The following ZNF398 variants were observed in gnomAD, a reference collection of about 807,000 sequenced individuals.
ZNF398 encodes the protein zinc finger DNA binding protein ZER6.
A neutral mutation model predicts 41.9 loss-of-function variants in ZNF398; 18 were observed. The observed-to-expected ratio is 0.43, with a 90% CI of 0.30 to 0.64. ZNF398 has a LOEUF of 0.64. Among genes scored for constraint, ZNF398 ranks in the 30% least tolerant of loss-of-function variants. The pLI is 0.14. For missense variants in ZNF398, 669 were observed against 822.8 expected (o/e 0.81, Z 2.29); for synonymous variants, 260 against 308.8 (o/e 0.84, Z 1.66).
chr7:149,173,111 T>A (rs1795385172), intron 4 of ZNF398, among the ~76,000 whole-genome samples: 1 of 139,058 alleles, frequency 7.2e-6, no homozygotes, highest in Non-Finnish European at 1.6e-5. Context: ...TTTTTTTTTT[T>A]TTTTTTTTTT....
upstream of ZNF398, among the ~76,000 whole-genome samples, chr7:149,144,825 G>A (rs1259939609): frequency 6.7e-6 from 1 of 149,654 alleles, no homozygotes; most frequent in Non-Finnish European, 1.5e-5. Context: ...CTGACCTTAG[G>A]CGATCCACCC....
chr7:149,130,621 C>T (rs971557419), intron 2 of ZNF398, among the ~76,000 whole-genome samples: 16 of 152,030 alleles, frequency 1.1e-4, no homozygotes, highest in African/African-American at 3.4e-4. Flanking sequence ...AGTTGGCCCA[C>T]GTTCTTTATT....
chr7:149,126,457 C>A (rs956785983), exon 1 of ZNF398: 1 of 619,586 alleles, frequency 1.6e-6, no homozygotes, highest in Non-Finnish European at 2.6e-6. Context: ...CCGTGCGGGC[C>A]GCAGCACGCC....
chr7:149,134,523 C>G (rs1563153090), intron 2 of ZNF398, among the ~76,000 whole-genome samples: 2 of 152,014 alleles, frequency 1.3e-5, no homozygotes, highest in Non-Finnish European at 2.9e-5. Context: ...AGTTTGGGGA[C>G]TACAGATGTG....
chr7:149,165,645 C>A (rs1445154459), intron 2 of ZNF398, among the ~76,000 whole-genome samples: 1 of 152,182 alleles, frequency 6.6e-6, no homozygotes, highest in Non-Finnish European at 1.5e-5. Flanking sequence ...CAAAATCAAT[C>A]CTGTTTGCTC....
At chr7:149,139,058 A>C (rs892362809) in intron 2 of ZNF398, among the ~76,000 whole-genome samples, 10 of 152,006 alleles carry the variant, frequency 6.6e-5, no homozygotes, top group Non-Finnish European at 1.5e-4. Flanking sequence ...CTACAGGAGC[A>C]CGCCACCACG....
intron 2 of ZNF398, among the ~76,000 whole-genome samples, chr7:149,137,041 A>G (rs1826729023): frequency 6.6e-6 from 1 of 151,690 alleles, no homozygotes; most frequent in Non-Finnish European, 1.5e-5. Flanking sequence ...TAATTTTTGT[A>G]TTTTTAGCAG....
At position 149,179,061 on chromosome 7, in the gene ZNF398, C is replaced by A; in HGVS notation, c.1189C>A (p.Pro397Thr). 1 of 1,613,994 alleles carries A rather than the reference C, an allele frequency of 6.2e-7. No individual in the cohort carries two copies. The highest frequency in any genetic ancestry group is 1.6e-4 in the Middle Eastern group (1 of 6,062). The change falls in exon 6 of 6, where the codon CCC becomes ACC. Residue 397 changes from proline to threonine, a missense_variant. Pro to Thr is a conservative substitution (Grantham distance 38, BLOSUM62 -1). Coordinates refer to ENST00000475153, the MANE Select transcript of ZNF398 (RefSeq NM_170686.3). The surrounding 1 kb of genome is among the most constrained non-coding windows in gnomAD (Gnocchi z 6.1). ...CTCCCAGGACCATGCCAGCGAGACA[C>A]CCCCCACCTGCCCACACTGTGCCAG... The part of the protein sequence containing the change: ...STSQDHASET[P>T]PTCPHCARTF...
At chr7:149,156,766 C>G (rs1240436051) in intron 2 of ZNF398, among the ~76,000 whole-genome samples, 1 of 150,220 alleles carries the variant, frequency 6.7e-6, no homozygotes, top group East Asian at 2.0e-4. Flanking sequence ...GAGGCTGAGG[C>G]AGGAGAATCG....
At chr7:149,151,586 T>A (rs944400504) in intron 1 of ZNF398, among the ~76,000 whole-genome samples, 2 of 152,122 alleles carry the variant, frequency 1.3e-5, no homozygotes, top group African/African-American at 4.8e-5. Context: ...AGCCTTTTAT[T>A]TTCTTGGAAA....
intron 4 of ZNF398, among the ~76,000 whole-genome samples, chr7:149,172,313 C>G (rs1795361623): frequency 6.6e-6 from 1 of 152,138 alleles, no homozygotes; most frequent in African/African-American, 2.4e-5. Flanking sequence ...TTGCACTATC[C>G]TGCCCTGTCT....
intron 2 of ZNF398, 113 bp from the exon 3 acceptor site, chr7:149,166,045 T>C (rs889755605): frequency 5.8e-6 from 7 of 1,201,746 alleles, no homozygotes; most frequent in Non-Finnish European, 8.2e-6. Context: ...TTTAGAATAT[T>C]TATTGACCAC....
At chr7:149,138,217 A>C (rs1826753730) in intron 2 of ZNF398, among the ~76,000 whole-genome samples, 1 of 151,794 alleles carries the variant, frequency 6.6e-6, no homozygotes, top group Non-Finnish European at 1.5e-5. Context: ...AAAAAAGAAA[A>C]AAAAAAAGAA....
chr7:149,133,876 C>T (rs1269741646), intron 2 of ZNF398, among the ~76,000 whole-genome samples: 3 of 150,114 alleles, frequency 2.0e-5, no homozygotes, highest in South Asian at 2.1e-4. Flanking sequence ...CTCAGCCTCC[C>T]GAGTAGCTGG....
chr7:149,163,119 G>A (rs1369310437), intron 2 of ZNF398, among the ~76,000 whole-genome samples: 1 of 152,180 alleles, frequency 6.6e-6, no homozygotes, highest in African/African-American at 2.4e-5. Flanking sequence ...GTCCCAGTAG[G>A]CCAAAAATGT....
intron 2 of ZNF398, among the ~76,000 whole-genome samples, chr7:149,160,303 G>T (rs1202442): frequency 0.21 from 32,332 of 152,048 alleles, 4,757 homozygotes; most frequent in African/African-American, 0.42. Context: ...TGGTGGTGGG[G>T]GCCTGTAGTC....
At position 149,147,669 on chromosome 7, in the gene ZNF398, G is replaced by T; in HGVS notation, c.-74G>T. The T allele has an allele frequency of 2.4e-6, 3 of 1,263,360 alleles. No individual in the cohort carries two copies. Among genetic ancestry groups the T allele is most frequent in the Non-Finnish European group, 3.0e-6 (3 of 1,006,580 alleles). 78.3% of individuals were successfully genotyped at this position (1,263,360 alleles called of 1,614,324 possible). A position where few individuals can be genotyped will look rare whatever the true frequency, so the allele number is the denominator to read the frequency against. Reference sequence around the variant, plus strand: ...TGGAGAGGACCCGGCGGCCGGGCCTGCTTGGAGCCGGGCGCGGTGGCAGCG... The same window carrying T: ...TGGAGAGGACCCGGCGGCCGGGCCTTCTTGGAGCCGGGCGCGGTGGCAGCG... On this transcript the variant is annotated 5_prime_UTR_variant, in exon 1 of 6. Transcript: ENST00000475153. The surrounding 1 kb of genome is among the most constrained non-coding windows in gnomAD (Gnocchi z 5.6).
intron 1 of ZNF398, among the ~76,000 whole-genome samples, chr7:149,149,837 C>G (rs547532416): frequency 6.6e-6 from 1 of 152,264 alleles, no homozygotes; most frequent in East Asian, 1.9e-4. Context: ...AACCCTGTCT[C>G]AAGCAAACAA....
At position 149,140,024 on chromosome 7, in the gene ZNF398, A is replaced by T. The variant is rs868515784; in HGVS notation, c.-490+11080A>T. Among the ~76,000 whole-genome samples, 8 of 152,184 alleles carry T rather than the reference A, an allele frequency of 5.3e-5. No individual in the cohort carries two copies. In the South Asian group the frequency reaches 1.7e-3, roughly 32 times the overall value. ...AGAAAAAAATAATAAAATAAAATAA[A>T]AATTTAAAAATAATAAAAGTAAAAT... On this transcript the variant is annotated intron_variant, in intron 2 of 6. Transcript: ENST00000426851.
Sources: allele counts gnomAD v4.1 joint callset (sites outside exome capture counted in the v4.1 genomes callset), GRCh38; gene constraint gnomAD v4.1.1; non-coding constraint Gnocchi (gnomAD v3.1); transcripts MANE v1.5; gene names NCBI Gene and HGNC (gene_info 2026-07-23, HGNC 2026-07-21).